Variants in TMEM135 observed in about 807,000 individuals in gnomAD.
TMEM135 encodes the protein peroxisomal membrane protein 52.
TMEM135 carries 30 observed loss-of-function variants against 60.3 expected under a neutral mutation model. The observed-to-expected ratio is 0.50, with a 90% CI of 0.37 to 0.68. The LOEUF is 0.68. Ranked by LOEUF, TMEM135 falls within the 30% of genes least tolerant of loss-of-function variation. The pLI is 0.00. For missense variants in TMEM135, 468 were observed against 548.8 expected, an observed-to-expected ratio of 0.85 and a Z score of 1.47; for synonymous variants, 190 against 186.7, an observed-to-expected ratio of 1.02 and a Z score of -0.14.
intron 5 of TMEM135, among the ~76,000 whole-genome samples, chr11:87,163,607 T>G (rs1211858644): frequency 3.3e-5 from 5 of 152,004 alleles, no homozygotes; most frequent in East Asian, 1.9e-4. Context: ...CCTGAGGAAT[T>G]GCCACACTGA....
intron 5 of TMEM135, among the ~76,000 whole-genome samples, chr11:87,170,827 G>A (rs923397105): frequency 2.6e-5 from 4 of 152,136 alleles, no homozygotes; most frequent in African/African-American, 7.2e-5. Context: ...TGTGCTGGGC[G>A]ATCCACTGCT....
At chr11:87,162,587 G>T (rs922354890) in intron 5 of TMEM135, among the ~76,000 whole-genome samples, 3 of 152,066 alleles carry the variant, frequency 2.0e-5, no homozygotes, top group African/African-American at 7.2e-5. Flanking sequence ...TCCATGGTGT[G>T]TATGTGCCAC....
intron 2 of TMEM135, among the ~76,000 whole-genome samples, chr11:87,068,638 G>A (rs1856712424): frequency 6.6e-6 from 1 of 151,792 alleles, no homozygotes; most frequent in Admixed American, 6.6e-5. Flanking sequence ...GTGAAACCCC[G>A]TCTCTACTAA....
rs1205230465 is a variant in TMEM135 at position 87,324,488 on chromosome 11, C to A, written c.*3155C>A. On this transcript the variant is annotated 3_prime_UTR_variant, in exon 15 of 15. Coordinates refer to ENST00000305494, the MANE Select transcript of TMEM135 (RefSeq NM_022918.4). ...CCGGGTTGGAGTACAGTGGTGCAAT[C>A]ATAGCTCATTGAAACCTCAAATTCC... 2.2e-6 allele frequency: 1 copy of A among 453,748 alleles called. No homozygotes were observed. Among genetic ancestry groups the A allele is most frequent in the Non-Finnish European group, 4.4e-6 (1 of 226,720 alleles). The allele number at this position is 453,748 out of a possible 1,614,324, so 28.1% of individuals were successfully genotyped here. A position where few individuals can be genotyped will look rare whatever the true frequency, so the allele number is the denominator to read the frequency against.
chr11:87,192,649 T>C (rs1939836994), intron 5 of TMEM135, among the ~76,000 whole-genome samples: 1 of 151,978 alleles, frequency 6.6e-6, no homozygotes, highest in African/African-American at 2.4e-5. Context: ...TATTTATAAA[T>C]AAGAGAAATA....
chr11:87,156,027 A>T (rs545202029), intron 4 of TMEM135, among the ~76,000 whole-genome samples: 10 of 152,316 alleles, frequency 6.6e-5, no homozygotes, highest in Non-Finnish European at 1.3e-4. Flanking sequence ...ATTTATGCTT[A>T]ATTATAACTA....
At chr11:87,128,894 A>G (rs1937814979) in intron 4 of TMEM135, among the ~76,000 whole-genome samples, 1 of 114,952 alleles carries the variant, frequency 8.7e-6, no homozygotes, top group Non-Finnish European at 1.9e-5. Flanking sequence ...TATTTATGCA[A>G]TGGAATACTA....
At chr11:87,260,266 T>TAAAAAATGTTTGTTGTA (rs1441449906) in intron 6 of TMEM135, among the ~76,000 whole-genome samples, 1 of 152,220 alleles carries the variant, frequency 6.6e-6, no homozygotes, top group Non-Finnish European at 1.5e-5. Context: ...CCTTGAATGT[T>TAAAAAATGTTTGTTGTA]AAAAAATGTT....
intron 6 of TMEM135, among the ~76,000 whole-genome samples, chr11:87,246,903 G>A (rs567814688): frequency 2.3e-5 from 3 of 128,580 alleles, no homozygotes; most frequent in East Asian, 4.0e-4. Context: ...GAGGAGCTGC[G>A]TTCCTTTGGA....
At chr11:87,083,669 G>A (rs569283728) in intron 3 of TMEM135, among the ~76,000 whole-genome samples, 3 of 152,102 alleles carry the variant, frequency 2.0e-5, no homozygotes, top group Non-Finnish European at 4.4e-5. Context: ...TTCACCAGAA[G>A]ATTAAACACT....
At chr11:87,242,976 A>G (rs1046485223) in intron 6 of TMEM135, among the ~76,000 whole-genome samples, 2 of 140,400 alleles carry the variant, frequency 1.4e-5, no homozygotes, top group African/African-American at 2.7e-5. Flanking sequence ...TAGGGTTTTC[A>G]TGGTTTTAGG....
chr11:87,223,786 G>A (rs1027234333), intron 5 of TMEM135, among the ~76,000 whole-genome samples: 14 of 151,082 alleles, frequency 9.3e-5, no homozygotes, highest in African/African-American at 3.4e-4. Flanking sequence ...GGAGGCAGAG[G>A]TTGCAGTGAG....
At chr11:87,169,415 G>T (rs931051465) in intron 5 of TMEM135, among the ~76,000 whole-genome samples, 1 of 151,514 alleles carries the variant, frequency 6.6e-6, no homozygotes, top group African/African-American at 2.4e-5. Context: ...TTTATAATTT[G>T]GTATGTTTTT....
chr11:87,130,151 G>T (rs1937877909), intron 4 of TMEM135, among the ~76,000 whole-genome samples: 1 of 142,854 alleles, frequency 7.0e-6, no homozygotes. Flanking sequence ...GAGTCTTGAG[G>T]GTACCAGTTC....
At chr11:87,292,706 C>T (rs1591174752) in intron 6 of TMEM135, among the ~76,000 whole-genome samples, 1 of 152,078 alleles carries the variant, frequency 6.6e-6, no homozygotes, top group Non-Finnish European at 1.5e-5. Flanking sequence ...GACATCTGAC[C>T]CTCAATTACA....
At chr11:87,199,414 A>G (rs1940043961) in intron 5 of TMEM135, among the ~76,000 whole-genome samples, 1 of 152,124 alleles carries the variant, frequency 6.6e-6, no homozygotes, top group East Asian at 1.9e-4. Flanking sequence ...AACATAGAAA[A>G]CTATGGCCTC....
chr11:87,318,304 G>A, intron 13 of TMEM135, 69 bp downstream of exon 13: 1 of 1,091,794 alleles, frequency 9.2e-7, no homozygotes, highest in Non-Finnish European at 1.4e-6. Context: ...TCAAATGGGA[G>A]AGAAACAAAC....
intron 5 of TMEM135, among the ~76,000 whole-genome samples, chr11:87,192,392 A>G (rs1939829976): frequency 6.6e-6 from 1 of 151,956 alleles, no homozygotes; most frequent in Non-Finnish European, 1.5e-5. Flanking sequence ...TATTCAGAAG[A>G]TTGTTTCTTT....
At chr11:87,163,683 A>G (rs1419062806) in intron 5 of TMEM135, among the ~76,000 whole-genome samples, 1 of 150,574 alleles carries the variant, frequency 6.6e-6, no homozygotes, top group Admixed American at 6.6e-5. Flanking sequence ...ATTTCTCCAC[A>G]TCCTCTCCAG....
Sources: gnomAD v4.1 joint callset for allele counts (sites outside exome capture counted in the v4.1 genomes callset) on GRCh38, gnomAD v4.1.1 for gene constraint, MANE v1.5 for transcripts, NCBI Gene and HGNC (gene_info 2026-07-23, HGNC 2026-07-21) for gene names.